Variants in ACBD4 observed in about 807,000 individuals in gnomAD.
ACBD4 encodes the protein acyl-CoA binding domain containing 4.
ACBD4 carries 41 observed loss-of-function variants against 46.0 expected under a neutral mutation model. The observed-to-expected ratio is 0.89, with a 90% CI of 0.69 to 1.16. The LOEUF is 1.16. ACBD4 is among the 50% of genes most tolerant of loss of function. The pLI, the probability that ACBD4 is intolerant of heterozygous loss-of-function variation, is 0.00. For missense variants in ACBD4, 393 were observed against 399.5 expected (o/e 0.98, Z 0.14); for synonymous variants, 162 against 155.9 (o/e 1.04, Z -0.29).
chr17:45,137,878 A>G (rs751773949), intron 7 of ACBD4, 35 bp from the exon 8 acceptor site: 24 of 1,565,390 alleles, frequency 1.5e-5, no homozygotes, highest in South Asian at 6.7e-5. Flanking sequence ...CTGTGCTCCC[A>G]CTCCCACCCT....
intron 2 of ACBD4, 126 bp from the exon 3 acceptor site, chr17:45,136,374 C>T: frequency 1.4e-6 from 2 of 1,456,732 alleles, no homozygotes; most frequent in Admixed American, 1.8e-5. Context: ...CGCTTCCTAT[C>T]CTAGTCCAGA....
chr17:45,133,063 T>G (rs908358143), upstream of ACBD4: 6 of 152,462 alleles, frequency 3.9e-5, no homozygotes, highest in African/African-American at 7.2e-5. Flanking sequence ...AGCCACAGTC[T>G]CGGAGCTGAC....
At position 45,135,836 on chromosome 17, in the gene ACBD4, C is replaced by A; in HGVS notation, c.-155C>A. 1 of 326,014 alleles carries A rather than the reference C, an allele frequency of 3.1e-6. No homozygotes were observed. The highest frequency in any genetic ancestry group is 5.9e-6 in the Non-Finnish European group (1 of 170,340). 20.2% of individuals were successfully genotyped at this position (326,014 alleles called of 1,614,324 possible). On this transcript the variant is annotated 5_prime_UTR_variant, in exon 1 of 10. Transcript: ENST00000321854. ...CTCCTATCTTGTTTCTCCACCTGTT[C>A]GGGAGTTGGAGATGTGCACCTAAAG...
At chr17:45,139,259 C>A in intron 9 of ACBD4, 99 bp downstream of exon 9, 3 of 1,217,370 alleles carry the variant, frequency 2.5e-6, no homozygotes, top group Non-Finnish European at 3.6e-6. Context: ...CACGCCTCCA[C>A]CTGCCCACAT....
Position 45,143,528 on chromosome 17 carries a change from T to G in ACBD4, c.875T>G (p.Val292Gly), listed in dbSNP as rs766119043. The G allele has an allele frequency of 2.0e-5, 32 of 1,613,888 alleles. No individual in the cohort carries two copies. Among genetic ancestry groups the G allele is most frequent in the Non-Finnish European group, 2.7e-5 (32 of 1,180,002 alleles). ...ALLFFLLWPF[V>G]VQWLFRMFRT... The stretch of plus-strand genomic sequence containing the variant: ...CTCTTCTTCCTCCTGTGGCCCTTCG[T>G]CGTCCAGTGGCTCTTCCGAATGTTT... Residue 292 changes from valine to glycine, a missense_variant, in exon 10 of 10, where the codon GTC becomes GGC. This residue lies in a region of ACBD4 where 308 missense variants were observed against 301.8 expected (regional missense o/e 1.02). Transcript: ENST00000321854.
At position 45,137,239 on chromosome 17, in the gene ACBD4, T is replaced by A. The variant is rs1248064500; in HGVS notation, c.415+100T>A. 5 of 1,600,482 alleles carry A rather than the reference T, an allele frequency of 3.1e-6. No homozygotes were observed. The East Asian group carries it at 1.1e-4, about 36-fold the overall frequency. On this transcript the variant is annotated intron_variant, in intron 5 of 9. Coordinates refer to ENST00000321854, the MANE Select transcript of ACBD4 (RefSeq NM_001135705.3). ...CAGAGGGCTCCAGGCGACATCCCTG[T>A]TAGGGCCCCCAAGCCCCCGAGAGGT...
At position 45,139,113 on chromosome 17, in the gene ACBD4, C is replaced by G. The variant is rs1294879332; in HGVS notation, c.742C>G (p.Gln248Glu). 3.1e-6 allele frequency: 5 copies of G among 1,613,746 alleles called. No individual in the cohort carries two copies. The highest frequency in any genetic ancestry group is 1.3e-5 in the African/African-American group (1 of 74,928). The part of the protein sequence containing the change: ...RALQESMQEV[Q>E]ARVQSLESMP... ...ACTACAGGAGAGCATGCAGGAGGTG[C>G]AGGCGAGGGTGCAGAGCCTGGAGAG... is the stretch of plus-strand genomic sequence containing the variant. The change falls in exon 9 of 10, where the codon CAG becomes GAG. Residue 248 changes from glutamine to glutamate, a missense_variant. Transcript: ENST00000321854.
chr17:45,132,646 C>A, upstream of ACBD4: 1 of 254,828 alleles, frequency 3.9e-6, no homozygotes, highest in Middle Eastern at 1.2e-3. This position sits in a 1 kb window ranked among gnomAD's most constrained non-coding sequence, Gnocchi z 4.6. Context: ...CCCGGAGCCT[C>A]AGCGCTCGCC....
At chr17:45,138,304 T>C in intron 8 of ACBD4, 1 of 484,894 alleles carries the variant, frequency 2.1e-6, no homozygotes. Context: ...TCATCCATAT[T>C]CTCTGGACTC....
chr17:45,138,787 TAAA>T (rs78362547), intron 8 of ACBD4, among the ~76,000 whole-genome samples: 1 of 108,454 alleles, frequency 9.2e-6, no homozygotes, highest in Non-Finnish European at 2.0e-5. Context: ...CAAGACTGTC[TAAA>T]AAAAAAAAAA....
chr17:45,137,500 G>A (rs1007244865), intron 6 of ACBD4, 46 bp downstream of exon 6: 1 of 1,596,952 alleles, frequency 6.3e-7, no homozygotes, highest in Non-Finnish European at 8.6e-7. Context: ...GGCTGGGGGA[G>A]GGCTGGAGGG....
At chr17:45,141,108 A>G (rs1401616147) in intron 9 of ACBD4, among the ~76,000 whole-genome samples, 1 of 152,278 alleles carries the variant, frequency 6.6e-6, no homozygotes, top group East Asian at 1.9e-4. Context: ...ATTTCTTAAT[A>G]TCATCAAATA....
Position 45,139,178 on chromosome 17 carries a change from A to T in ACBD4, c.789+18A>T. 6.2e-7 allele frequency: 1 copy of T among 1,612,004 alleles called. No homozygotes were observed. Among genetic ancestry groups the T allele is most frequent in the Non-Finnish European group, 8.5e-7 (1 of 1,179,014 alleles). On this transcript the variant is annotated intron_variant, in intron 9 of 9. Coordinates refer to ENST00000321854, the MANE Select transcript of ACBD4 (RefSeq NM_001135705.3). ...CTGAGCAGGTAGAGTCCCCCACCCC[A>T]TAGGACAAGATGATGGCAGAATCCG...
At position 45,143,441 on chromosome 17, in the gene ACBD4, A is replaced by G. The variant is rs1480253987; in HGVS notation, c.790-2A>G. 3 of 1,604,690 alleles carry G rather than the reference A, an allele frequency of 1.9e-6. No individual in the cohort carries two copies. The highest frequency in any genetic ancestry group is 2.5e-6 in the Non-Finnish European group (3 of 1,177,680). ...CTCTGACTCCCTCCCTCTTGGCTGC[A>G]GAGGCCGCAGCCCAGGCCCAGTGCT... On this transcript the variant is annotated splice_acceptor_variant, in intron 9 of 9. Transcript: ENST00000321854. LOFTEE classifies it high-confidence loss of function.
chr17:45,137,290 A>T, intron 5 of ACBD4, 78 bp from the exon 6 acceptor site: 2 of 1,602,074 alleles, frequency 1.2e-6, no homozygotes, highest in Non-Finnish European at 1.7e-6. Context: ...TCCACGGCTC[A>T]TCACGAGTAG....
chr17:45,142,389 C>CAAAAAAAAAAAAAAAAAAAAAAAA (rs1161132274), intron 9 of ACBD4, among the ~76,000 whole-genome samples: 8 of 28,584 alleles, frequency 2.8e-4, no homozygotes, highest in African/African-American at 3.1e-4. Flanking sequence ...CAAGACTCCT[C>CAAAAAAAAAAAAAAAAAAAAAAAA]AAAAAAAAAA....
Position 45,143,493 on chromosome 17 carries a change from G to C in ACBD4, c.840G>C (p.Gly280=). The C allele has an allele frequency of 6.2e-7, 1 of 1,613,636 alleles. No homozygotes were observed. Among genetic ancestry groups the C allele is most frequent in the Non-Finnish European group, 8.5e-7 (1 of 1,179,986 alleles). ...SARPWPLGLP[G]PALLFFLLWP... is the part of the protein sequence containing the mutation. ...GGCCATGGCCCCTTGGGCTCCCGGG[G>C]CCCGCGCTGCTCTTCTTCCTCCTGT... The change falls in exon 10 of 10, where the codon GGG becomes GGC. Residue 280 remains glycine (G), a synonymous_variant. Transcript: ENST00000321854.
At chr17:45,139,188 A>C in intron 9 of ACBD4, 28 bp downstream of exon 9, 10 of 1,611,244 alleles carry the variant, frequency 6.2e-6, no homozygotes, top group Non-Finnish European at 8.5e-6. Context: ...ATAGGACAAG[A>C]TGATGGCAGA....
intron 9 of ACBD4, among the ~76,000 whole-genome samples, chr17:45,140,882 A>T (rs939017856): frequency 1.3e-5 from 2 of 152,040 alleles, no homozygotes; most frequent in African/African-American, 4.8e-5. Context: ...GCGAGGTGGC[A>T]GGCACCTGTA....
Sources: allele counts gnomAD v4.1 joint callset (sites outside exome capture counted in the v4.1 genomes callset), GRCh38; gene constraint gnomAD v4.1.1; regional missense constraint gnomAD v4.1.1; non-coding constraint Gnocchi (gnomAD v3.1); transcripts MANE v1.5; gene names NCBI Gene and HGNC (gene_info 2026-07-23, HGNC 2026-07-21).